The following LHX8 variants were observed in gnomAD, a reference collection of about 807,000 sequenced individuals.
The protein encoded by LHX8 is LIM/homeobox protein Lhx8.
LHX8 carries 12 observed loss-of-function variants against 40.3 expected under a neutral mutation model. That is an observed-to-expected ratio of 0.30 (90% confidence interval 0.19 to 0.48). The LOEUF is 0.48. LHX8 is among the 20% of genes least tolerant of loss of function. The probability of loss-of-function intolerance (pLI) is 0.99; values close to 1 mark genes in which losing one functional copy is unlikely to be tolerated. For synonymous variants in LHX8, 179 were observed against 162.0 expected (o/e 1.10, Z -0.80); for missense variants, 344 against 433.7 (o/e 0.79, Z 1.84).
At chr1:75,133,357 C>A (rs188890931), upstream of LHX8, among the ~76,000 whole-genome samples, 3 of 152,274 alleles carry the variant, frequency 2.0e-5, no homozygotes, top group African/African-American at 7.2e-5. Context: ...CGGCTGCTGA[C>A]CGAGCTGGGG....
rs191182882 is a variant in LHX8, at chr1:75,143,097, C to T, written c.360-21C>T. The T allele has an allele frequency of 3.8e-5, 60 of 1,595,340 alleles. 1 individual carries two copies. In the Admixed American group the frequency reaches 9.5e-4, roughly 25 times the overall value. On this transcript the variant is annotated intron_variant, in intron 4 of 8. Coordinates refer to ENST00000356261, the MANE Select transcript of LHX8 (RefSeq NM_001256114.2). ...CACCAGGCATTAAAATATTTACCTT[C>T]CACACCTCTATTTAATGTAGAAGGT...
the LHX8 span, among the ~76,000 whole-genome samples, chr1:75,194,379 G>A: frequency 2.6e-5 from 4 of 152,118 alleles, no homozygotes; most frequent in Non-Finnish European, 2.9e-5. Context: ...CTTGAGGCAG[G>A]GTCCTGGACC....
At chr1:75,155,145 C>T (rs1425893995) in intron 7 of LHX8, among the ~76,000 whole-genome samples, 1 of 152,026 alleles carries the variant, frequency 6.6e-6, no homozygotes, top group Non-Finnish European at 1.5e-5. Context: ...AAGTTTTTAT[C>T]CCTTCGCCTC....
the LHX8 span, among the ~76,000 whole-genome samples, chr1:75,176,501 C>T: frequency 6.6e-5 from 10 of 152,184 alleles, no homozygotes; most frequent in East Asian, 1.9e-3. Context: ...TATCCTTTGC[C>T]CACTTTTTGA....
rs780871472 is a variant in LHX8 at position 75,137,085 on chromosome 1, C to G, written c.76-15C>G. ...GAGGGGTCTAGAACCGCCTGCGCCT[C>G]GCGGTTTCCTGCAGGTGAGCCCCGA... On this transcript the variant is annotated splice_polypyrimidine_tract_variant and intron_variant, in intron 2 of 8. Transcript: ENST00000356261. 3.8e-6 allele frequency: 6 copies of G among 1,595,542 alleles called. No individual in the cohort carries two copies. Among genetic ancestry groups the G allele is most frequent in the Non-Finnish European group, 5.1e-6 (6 of 1,168,696 alleles).
At chr1:75,184,429 C>T in the LHX8 span, among the ~76,000 whole-genome samples, 3 of 152,094 alleles carry the variant, frequency 2.0e-5, no homozygotes, top group Non-Finnish European at 4.4e-5. Context: ...ACTTTCAAAC[C>T]ATAATGCAAT....
chr1:75,160,945 T>A lies in LHX8; in HGVS notation c.*50T>A, dbSNP rs753273658. On this transcript the variant is annotated 3_prime_UTR_variant, in exon 9 of 9. Transcript: ENST00000356261. The stretch of plus-strand genomic sequence containing the variant: ...TTAAGGATATAAATTTGTCATTTAT[T>A]ATGTATAAAATACCATTGAAAAGAT... 2.3e-6 allele frequency: 3 copies of A among 1,314,342 alleles called. No individual in the cohort carries two copies. In the African/African-American group the frequency reaches 4.4e-5, roughly 19 times the overall value. 81.4% of individuals were successfully genotyped at this position (1,314,342 alleles called of 1,614,324 possible).
chr1:75,195,108 T>C, the LHX8 span, among the ~76,000 whole-genome samples: 3 of 152,214 alleles, frequency 2.0e-5, no homozygotes, highest in Non-Finnish European at 4.4e-5. Context: ...TTTGTATCTC[T>C]CTACTTCTTT....
the LHX8 span, among the ~76,000 whole-genome samples, chr1:75,181,791 A>G: frequency 6.6e-6 from 1 of 152,144 alleles, no homozygotes; most frequent in Non-Finnish European, 1.5e-5. Flanking sequence ...GATCATACTG[A>G]CAGCTGCAGA....
chr1:75,152,383 C>T (rs1648634912), intron 7 of LHX8, among the ~76,000 whole-genome samples: 1 of 152,170 alleles, frequency 6.6e-6, no homozygotes, highest in African/African-American at 2.4e-5. Flanking sequence ...CATCCAGATA[C>T]AATCACTGTT....
intron 7 of LHX8, among the ~76,000 whole-genome samples, chr1:75,150,843 A>C (rs2100351844): frequency 6.6e-6 from 1 of 151,834 alleles, no homozygotes; most frequent in South Asian, 2.1e-4. Context: ...TGCCTAGCTA[A>C]TTTTTGTATT....
At chr1:75,181,635 C>T in the LHX8 span, among the ~76,000 whole-genome samples, 1 of 152,312 alleles carries the variant, frequency 6.6e-6, no homozygotes, top group African/African-American at 2.4e-5. Context: ...AGGGAAATCC[C>T]CAAACCCCTT....
intron 3 of LHX8, among the ~76,000 whole-genome samples, chr1:75,137,523 C>T (rs1648186268): frequency 6.6e-6 from 1 of 152,146 alleles, no homozygotes; most frequent in Non-Finnish European, 1.5e-5. Context: ...TGTGGATGCG[C>T]TGGAGTCAGC....
the LHX8 span, among the ~76,000 whole-genome samples, chr1:75,171,813 G>A: frequency 6.6e-6 from 1 of 152,162 alleles, no homozygotes; most frequent in Non-Finnish European, 1.5e-5. Context: ...ATGATAAACA[G>A]GGTAACAATG....
downstream of LHX8, among the ~76,000 whole-genome samples, chr1:75,166,340 G>A (rs1405007767): frequency 6.6e-6 from 1 of 152,208 alleles, no homozygotes; most frequent in Admixed American, 6.5e-5. Flanking sequence ...AAGTAGAGGT[G>A]TGACCTTCTG....
At chr1:75,181,194 C>G in the LHX8 span, among the ~76,000 whole-genome samples, 1 of 152,168 alleles carries the variant, frequency 6.6e-6, no homozygotes, top group Non-Finnish European at 1.5e-5. Flanking sequence ...GGTGGTCTGT[C>G]CATTCTCAGA....
the LHX8 span, among the ~76,000 whole-genome samples, chr1:75,175,508 A>G: frequency 6.6e-6 from 1 of 152,094 alleles, no homozygotes; most frequent in Non-Finnish European, 1.5e-5. Flanking sequence ...TTTTTGCAGG[A>G]GTAAGAGGTT....
chr1:75,182,247 G>A, the LHX8 span, among the ~76,000 whole-genome samples: 1 of 151,954 alleles, frequency 6.6e-6, no homozygotes, highest in Admixed American at 6.6e-5. Context: ...ACCATTTGTT[G>A]AATAGGATGT....
Position 75,161,362 on chromosome 1 carries a change from T to G in LHX8, c.*467T>G, listed in dbSNP as rs2100368009. 5.7e-6 allele frequency: 1 copy of G among 174,112 alleles called. No homozygotes were observed. Among genetic ancestry groups the G allele is most frequent in the South Asian group, 1.4e-4 (1 of 7,080 alleles). The allele number at this position is 174,112 out of a possible 1,614,324, so 10.8% of individuals were successfully genotyped here. Reference sequence around the variant, plus strand: ...GTATCTGTGAATTTGCAACTGAAATTTATTTTGCCAATGTTTTCTGAATGA... The same window carrying G: ...GTATCTGTGAATTTGCAACTGAAATGTATTTTGCCAATGTTTTCTGAATGA... On this transcript the variant is annotated 3_prime_UTR_variant, in exon 9 of 9. Transcript: ENST00000356261.
Sources: allele counts gnomAD v4.1 joint callset (sites outside exome capture counted in the v4.1 genomes callset), GRCh38; gene constraint gnomAD v4.1.1; transcripts MANE v1.5; gene names NCBI Gene and HGNC (gene_info 2026-07-23, HGNC 2026-07-21).